PLD5: variants seen among roughly 807,000 people sequenced by gnomAD.
PLD5 encodes phospholipase D family member 5.
In PLD5, 36 loss-of-function variants were observed where a neutral mutation model predicts 61.1. That is an observed-to-expected ratio of 0.59 (90% CI 0.45 to 0.78). The LOEUF (loss-of-function observed/expected upper bound fraction) is 0.78. Among genes scored for constraint, PLD5 ranks in the 30% least tolerant of loss-of-function variants. The pLI is 0.00. For missense variants in PLD5, 515 were observed against 644.4 expected, an observed-to-expected ratio of 0.80 and a Z score of 2.17; for synonymous variants, 243 against 242.8, an observed-to-expected ratio of 1.00 and a Z score of -0.01.
At chr1:242,458,902 G>A (rs908120342) in intron 1 of PLD5, among the ~76,000 whole-genome samples, 1 of 152,262 alleles carries the variant, frequency 6.6e-6, no homozygotes, top group Middle Eastern at 3.4e-3. Flanking sequence ...TTCTTAAAAC[G>A]AGTAAATGAT....
intron 5 of PLD5, among the ~76,000 whole-genome samples, chr1:242,130,066 T>G (rs1237055466): frequency 6.6e-6 from 1 of 152,000 alleles, no homozygotes; most frequent in East Asian, 1.9e-4. Flanking sequence ...TTTTTTTTTT[T>G]TTTGAGATGG....
intron 5 of PLD5, among the ~76,000 whole-genome samples, chr1:242,146,214 G>A (rs1664532407): frequency 6.6e-6 from 1 of 152,096 alleles, no homozygotes; most frequent in African/African-American, 2.4e-5. Context: ...GTTACCCTTT[G>A]CTCACAGTTC....
chr1:242,111,272 G>C (rs192057559), intron 7 of PLD5, among the ~76,000 whole-genome samples: 1 of 152,212 alleles, frequency 6.6e-6, no homozygotes, highest in Non-Finnish European at 1.5e-5. Context: ...GGCCAGGCTG[G>C]TGTTGAACTC....
chr1:242,108,641 C>T (rs1183920430), intron 7 of PLD5, among the ~76,000 whole-genome samples: 5 of 152,172 alleles, frequency 3.3e-5, no homozygotes, highest in African/African-American at 1.2e-4. Context: ...AAAAGCTTTC[C>T]TGTCTTAAGG....
At chr1:242,496,213 C>CT (rs1432095774) in intron 1 of PLD5, among the ~76,000 whole-genome samples, 2 of 152,064 alleles carry the variant, frequency 1.3e-5, no homozygotes, top group African/African-American at 4.8e-5. Context: ...GCTTAATTCT[C>CT]TTTTAAACTG....
intron 1 of PLD5, among the ~76,000 whole-genome samples, chr1:242,493,353 C>T (rs1668233134): frequency 1.3e-5 from 2 of 152,154 alleles, no homozygotes; most frequent in South Asian, 4.1e-4. Context: ...CAGCGAATGT[C>T]TGAAGCCTTC....
At chr1:242,324,082 G>C (rs1180344543) in intron 2 of PLD5, among the ~76,000 whole-genome samples, 2 of 151,708 alleles carry the variant, frequency 1.3e-5, no homozygotes, top group Non-Finnish European at 2.9e-5. Flanking sequence ...TTGACACAGA[G>C]AGAAGGAAAC....
At chr1:242,478,713 A>AG (rs1419621170) in intron 1 of PLD5, among the ~76,000 whole-genome samples, 1 of 152,214 alleles carries the variant, frequency 6.6e-6, no homozygotes, top group Non-Finnish European at 1.5e-5. Flanking sequence ...GGCATCGGGC[A>AG]GATGTAAAGA....
intron 5 of PLD5, among the ~76,000 whole-genome samples, chr1:242,214,698 C>T (rs949781677): frequency 2.6e-5 from 4 of 152,088 alleles, no homozygotes; most frequent in Non-Finnish European, 5.9e-5. Context: ...CACGTCCCCT[C>T]CTTCAACAGG....
At chr1:242,315,258 T>C (rs533539664) in intron 2 of PLD5, among the ~76,000 whole-genome samples, 1 of 152,044 alleles carries the variant, frequency 6.6e-6, no homozygotes, top group Non-Finnish European at 1.5e-5. Flanking sequence ...CAAATAAAAA[T>C]AAAAACCTAC....
intron 7 of PLD5, among the ~76,000 whole-genome samples, chr1:242,110,746 G>A (rs1661418598): frequency 6.6e-6 from 1 of 152,094 alleles, no homozygotes; most frequent in Admixed American, 6.6e-5. Context: ...GGAGGCAGAG[G>A]TTGCAGTGAG....
intron 5 of PLD5, among the ~76,000 whole-genome samples, chr1:242,190,350 G>A (rs1411576470): frequency 6.6e-6 from 1 of 151,294 alleles, no homozygotes; most frequent in Non-Finnish European, 1.5e-5. Context: ...GTTTCACCAT[G>A]TTAGCCAGGA....
At chr1:242,182,292 A>G (rs1304580807) in intron 5 of PLD5, among the ~76,000 whole-genome samples, 3 of 152,230 alleles carry the variant, frequency 2.0e-5, no homozygotes, top group Non-Finnish European at 4.4e-5. Flanking sequence ...ATACTTGGCC[A>G]TGGGTATCCC....
chr1:242,346,076 T>A (rs1199648926), intron 2 of PLD5, among the ~76,000 whole-genome samples: 1 of 122,860 alleles, frequency 8.1e-6, no homozygotes, highest in African/African-American at 3.2e-5. Context: ...ATATATGTTA[T>A]CTAGTAACCA....
chr1:242,273,068 C>A (rs1674201948), intron 3 of PLD5, among the ~76,000 whole-genome samples: 1 of 152,028 alleles, frequency 6.6e-6, no homozygotes, highest in South Asian at 2.1e-4. Flanking sequence ...TAATGCTCTC[C>A]CTCCCCTTGC....
intron 1 of PLD5, among the ~76,000 whole-genome samples, chr1:242,429,054 A>T (rs1349881048): frequency 6.6e-6 from 1 of 152,202 alleles, no homozygotes; most frequent in Non-Finnish European, 1.5e-5. Context: ...AAGCCTCATG[A>T]TGCCATGGTT....
chr1:242,199,524 G>A (rs1668851212), intron 5 of PLD5, among the ~76,000 whole-genome samples: 1 of 152,108 alleles, frequency 6.6e-6, no homozygotes, highest in South Asian at 2.1e-4. Flanking sequence ...CAAAGGTCTG[G>A]GATTACAGGG....
intron 5 of PLD5, among the ~76,000 whole-genome samples, chr1:242,215,339 C>A (rs1018328138): frequency 6.6e-6 from 1 of 151,966 alleles, no homozygotes; most frequent in Non-Finnish European, 1.5e-5. Flanking sequence ...CCCCCAAGGA[C>A]AAGCCATAGT....
At chr1:242,365,739 C>A in intron 1 of PLD5, 1 of 210,166 alleles carries the variant, frequency 4.8e-6, no homozygotes, top group South Asian at 8.7e-5. Context: ...CTGTCAACTT[C>A]CTGGTGTCAT....
Sources: gnomAD v4.1 joint callset for allele counts (sites outside exome capture counted in the v4.1 genomes callset) on GRCh38, gnomAD v4.1.1 for gene constraint, MANE v1.5 for transcripts, NCBI Gene and HGNC (gene_info 2026-07-23, HGNC 2026-07-21) for gene names.